Variants in SLC44A3 observed in about 807,000 individuals in gnomAD.
SLC44A3 encodes the protein solute carrier family 44 member 3.
A neutral mutation model predicts 75.4 loss-of-function variants in SLC44A3; 74 were observed. The observed-to-expected ratio is 0.98, with a 90% CI of 0.81 to 1.19. The LOEUF (loss-of-function observed/expected upper bound fraction) is 1.19. Ranked by LOEUF, SLC44A3 falls within the 50% of genes most tolerant of loss-of-function variation. The probability of loss-of-function intolerance (pLI) is 0.00; values close to 1 mark genes in which losing one functional copy is unlikely to be tolerated. For missense variants in SLC44A3, 700 were observed against 778.6 expected, an observed-to-expected ratio of 0.90 and a Z score of 1.20; for synonymous variants, 310 against 296.9, an observed-to-expected ratio of 1.04 and a Z score of -0.45.
At chr1:94,887,014 T>C (rs991199539) in intron 12 of SLC44A3, among the ~76,000 whole-genome samples, 1 of 151,948 alleles carries the variant, frequency 6.6e-6, no homozygotes, top group Non-Finnish European at 1.5e-5. Flanking sequence ...TGCCACTACC[T>C]CCTGCTTGCT....
intron 7 of SLC44A3, 97 bp downstream of exon 7, chr1:94,840,134 G>A: frequency 2.0e-6 from 2 of 982,322 alleles, no homozygotes; most frequent in Admixed American, 1.9e-5. Context: ...AAGCTACATG[G>A]AGTCTTAAAG....
chr1:94,868,107 AT>A (rs1386770923), intron 12 of SLC44A3, among the ~76,000 whole-genome samples: 1 of 152,086 alleles, frequency 6.6e-6, no homozygotes, highest in Admixed American at 6.6e-5. Context: ...TGGATTTCAG[AT>A]TTTTTTCCTT....
chr1:94,841,910 A>C, intron 7 of SLC44A3, 90 bp from the exon 8 acceptor site: 2 of 1,478,192 alleles, frequency 1.4e-6, no homozygotes, highest in Middle Eastern at 1.8e-4. Flanking sequence ...GCCGGTGGGC[A>C]GTGGCTGGAC....
At chr1:94,886,262 G>A (rs1486958902) in intron 12 of SLC44A3, among the ~76,000 whole-genome samples, 1 of 152,158 alleles carries the variant, frequency 6.6e-6, no homozygotes, top group Non-Finnish European at 1.5e-5. Context: ...GCAGAAGATG[G>A]TGATGAGGGA....
Position 94,884,682 on chromosome 1 carries a change from G to A in SLC44A3, c.1483-6448G>A, listed in dbSNP as rs370529529. Among the ~76,000 whole-genome samples, 21 of 152,072 alleles carry A rather than the reference G, an allele frequency of 1.4e-4. 1 individual carries two copies. The South Asian group carries it at 3.9e-3, about 29-fold the overall frequency. On this transcript the variant is annotated intron_variant, in intron 12 of 14. Transcript: ENST00000271227. ...ACTCTGTTTACCTTTTTGAAGAGTC[G>A]GCAGAAACCCAGGTTCACAGTTCTG...
chr1:94,885,380 T>C (rs1053501532), intron 12 of SLC44A3, among the ~76,000 whole-genome samples: 3 of 150,882 alleles, frequency 2.0e-5, no homozygotes, highest in East Asian at 3.9e-4. Flanking sequence ...AACATTGGAG[T>C]TGGTGGAAGT....
At chr1:94,886,500 G>A (rs890535092) in intron 12 of SLC44A3, among the ~76,000 whole-genome samples, 2 of 151,960 alleles carry the variant, frequency 1.3e-5, no homozygotes, top group Non-Finnish European at 2.9e-5. Context: ...TCATGTTGCT[G>A]GCTCCTGCTG....
intron 12 of SLC44A3, among the ~76,000 whole-genome samples, chr1:94,880,584 T>G (rs573495689): frequency 1.3e-5 from 2 of 152,264 alleles, no homozygotes; most frequent in Non-Finnish European, 2.9e-5. Context: ...TTTGACTACT[T>G]TAGATACTTT....
At chr1:94,853,841 T>C (rs935481833) in intron 9 of SLC44A3, among the ~76,000 whole-genome samples, 2 of 148,778 alleles carry the variant, frequency 1.3e-5, no homozygotes, top group African/African-American at 4.9e-5. Context: ...TGATAGTAAC[T>C]CAGATGGTAT....
chr1:94,858,997 T>G lies in SLC44A3; in HGVS notation c.1238+1497T>G, dbSNP rs115778637. Among the ~76,000 whole-genome samples, 1,098 of 152,220 alleles carry G rather than the reference T, an allele frequency of 7.2e-3. 12 individuals are homozygous for G. Among genetic ancestry groups the G allele is most frequent in the African/African-American group, 0.025 (1,054 of 41,534 alleles). Reference sequence around the variant, plus strand: ...GAGCCACGACACCCGGCCACCACTGTGGGTTTTTAATGTAGTGGTGCAGTT... The same window carrying G: ...GAGCCACGACACCCGGCCACCACTGGGGGTTTTTAATGTAGTGGTGCAGTT... On this transcript the variant is annotated intron_variant, in intron 10 of 14. Transcript: ENST00000271227.
At chr1:94,830,123 A>C (rs762871115) in intron 5 of SLC44A3, among the ~76,000 whole-genome samples, 1 of 152,252 alleles carries the variant, frequency 6.6e-6, no homozygotes, top group African/African-American at 2.4e-5. Flanking sequence ...CCATTTTGTG[A>C]TATTCTTTTC....
chr1:94,872,109 TA>T (rs1667821968), intron 12 of SLC44A3, among the ~76,000 whole-genome samples: 1 of 152,218 alleles, frequency 6.6e-6, no homozygotes, highest in African/African-American at 2.4e-5. Context: ...TTTTATTTTT[TA>T]TTTTTTTTGA....
chr1:94,852,457 G>A (rs1665335608), intron 9 of SLC44A3, among the ~76,000 whole-genome samples: 1 of 152,170 alleles, frequency 6.6e-6, no homozygotes, highest in Admixed American at 6.5e-5. Context: ...GAGTTCTAGG[G>A]CACAGCAAGG....
At position 94,820,434 on chromosome 1, in the gene SLC44A3, C is replaced by G. The variant is rs1225727019; in HGVS notation, c.-18C>G. On this transcript the variant is annotated 5_prime_UTR_variant, in exon 1 of 15. Coordinates refer to ENST00000271227, the MANE Select transcript of SLC44A3 (RefSeq NM_001114106.3). ...CGGCGGCGGCTCCCAGTCACCGGCC[C>G]CCGCCGGCGAGCGCACGATGCACTG... is the stretch of plus-strand genomic sequence containing the variant. 6.9e-7 allele frequency: 1 copy of G among 1,455,676 alleles called. No individual in the cohort carries two copies. Among genetic ancestry groups the G allele is most frequent in the African/African-American group, 1.5e-5 (1 of 68,122 alleles). 90.2% of individuals were successfully genotyped at this position (1,455,676 alleles called of 1,614,324 possible).
intron 12 of SLC44A3, among the ~76,000 whole-genome samples, chr1:94,883,825 T>C (rs1669262404): frequency 6.6e-6 from 1 of 152,222 alleles, no homozygotes. Flanking sequence ...TTTGTTGAAG[T>C]CAAATGAGCA....
At chr1:94,845,249 G>A (rs1254167535) in intron 8 of SLC44A3, 29 bp from the exon 9 acceptor site, 1 of 1,561,836 alleles carries the variant, frequency 6.4e-7, no homozygotes, top group African/African-American at 1.4e-5. Context: ...TTATTTGGAA[G>A]TAATTTACTC....
chr1:94,879,847 A>G (rs1668756797), intron 12 of SLC44A3, among the ~76,000 whole-genome samples: 1 of 151,846 alleles, frequency 6.6e-6, no homozygotes, highest in African/African-American at 2.4e-5. Context: ...TCAAAAAAAA[A>G]AAAAAAGAAA....
intron 12 of SLC44A3, chr1:94,888,533 GC>G: frequency 3.6e-6 from 1 of 280,136 alleles, no homozygotes; most frequent in Non-Finnish European, 5.4e-6. Context: ...CAAGACTCAG[GC>G]CCCCAAACTG....
At position 94,821,017 on chromosome 1, in the gene SLC44A3, G is replaced by A; in HGVS notation, c.96G>A (p.Thr32=). ...RPQIYRKCTD[T]AWLFLFFLFW... is the part of the protein sequence containing the mutation. ...AGATTTATAGGAAATGCACAGATACGGCATGGTTATTCCTGTTCTTTCTCT... is the reference window on the plus strand; with the variant it reads ...AGATTTATAGGAAATGCACAGATACAGCATGGTTATTCCTGTTCTTTCTCT... Residue 32 remains threonine (T), a synonymous_variant, in exon 2 of 15, where the codon ACG becomes ACA. Transcript: ENST00000271227. 3 of 1,551,442 alleles carry A rather than the reference G, an allele frequency of 1.9e-6. No individual in the cohort carries two copies. The highest frequency in any genetic ancestry group is 1.4e-5 in the African/African-American group (1 of 73,126).
Sources: gnomAD v4.1 joint callset for allele counts (sites outside exome capture counted in the v4.1 genomes callset) on GRCh38, gnomAD v4.1.1 for gene constraint, MANE v1.5 for transcripts, NCBI Gene and HGNC (gene_info 2026-07-23, HGNC 2026-07-21) for gene names.